RGS6: variants seen among roughly 807,000 people sequenced by gnomAD.
The protein encoded by RGS6 is regulator of G-protein signaling 6.
In RGS6, 30 loss-of-function variants were observed where a neutral mutation model predicts 78.5. The ratio of observed to expected loss-of-function variants is 0.38; its 90% CI spans 0.29 to 0.52. The LOEUF is 0.52. RGS6 is among the 20% of genes least tolerant of loss of function. RGS6 has a pLI of 0.85. For synonymous variants in RGS6, 206 were observed against 206.0 expected (o/e 1.00, Z 0.00); for missense variants, 495 against 609.7 (o/e 0.81, Z 1.98).
At chr14:72,009,319 G>A (rs1036516127) in intron 2 of RGS6, among the ~76,000 whole-genome samples, 19 of 152,074 alleles carry the variant, frequency 1.2e-4, no homozygotes, top group African/African-American at 4.1e-4. Context: ...CTGAACTCCC[G>A]CCTAGGTGAC....
intron 3 of RGS6, among the ~76,000 whole-genome samples, chr14:72,426,865 C>A (rs760875107): frequency 6.6e-6 from 1 of 152,186 alleles, no homozygotes; most frequent in African/African-American, 2.4e-5. Flanking sequence ...CCTCTCCATC[C>A]CAAAAGGTGG....
chr14:72,252,079 A>G (rs1033017495), intron 2 of RGS6, among the ~76,000 whole-genome samples: 1 of 152,210 alleles, frequency 6.6e-6, no homozygotes, highest in South Asian at 2.1e-4. Context: ...TTTGTACCAT[A>G]GATAAGATGG....
chr14:72,158,981 T>C (rs1249830955), intron 2 of RGS6, among the ~76,000 whole-genome samples: 1 of 152,212 alleles, frequency 6.6e-6, no homozygotes, highest in Non-Finnish European at 1.5e-5. Context: ...AACAATAGCA[T>C]TTACCTCATG....
rs753065555 is a variant in RGS6 at position 72,540,021 on chromosome 14, C to CTT, written c.1369-9_1369-8dup. 2.5e-4 allele frequency: 294 copies of CTT among 1,181,958 alleles called. No individual in the cohort carries two copies. Among genetic ancestry groups the CTT allele is most frequent in the South Asian group, 5.8e-4 (37 of 63,328 alleles). The allele number at this position is 1,181,958 out of a possible 1,614,324, so 73.2% of individuals were successfully genotyped here. ...TTTTTTCTGTATTTTTCTCCCTACC[C>CTT]TTTTTTTTTTTTCCTAAAGCCAGAA... On this transcript the variant is annotated intron_variant, in intron 16 of 17. Coordinates refer to ENST00000553525, the MANE Select transcript of RGS6 (RefSeq NM_001204424.2).
At chr14:72,351,653 T>C (rs979929524) in intron 2 of RGS6, among the ~76,000 whole-genome samples, 15 of 152,212 alleles carry the variant, frequency 9.9e-5, no homozygotes, top group African/African-American at 3.6e-4. Flanking sequence ...AATAGCAGCA[T>C]GTTAATCTAT....
At chr14:72,377,731 A>C (rs2085121176) in intron 3 of RGS6, among the ~76,000 whole-genome samples, 1 of 152,182 alleles carries the variant, frequency 6.6e-6, no homozygotes, top group Non-Finnish European at 1.5e-5. Context: ...TAATCCCAGC[A>C]CTTTGGGAAG....
intron 2 of RGS6, among the ~76,000 whole-genome samples, chr14:72,348,468 C>T (rs1002517600): frequency 6.6e-6 from 1 of 152,142 alleles, no homozygotes; most frequent in Non-Finnish European, 1.5e-5. Context: ...TGATCAGTTC[C>T]TGAGAGCCCA....
At chr14:72,273,898 G>A (rs560929388) in intron 2 of RGS6, among the ~76,000 whole-genome samples, 23 of 152,296 alleles carry the variant, frequency 1.5e-4, no homozygotes, top group Non-Finnish European at 2.5e-4. Context: ...AATTTCCTCC[G>A]GAATGTGCAT....
intron 3 of RGS6, among the ~76,000 whole-genome samples, chr14:72,355,866 A>G (rs941618728): frequency 3.9e-5 from 6 of 152,172 alleles, no homozygotes; most frequent in African/African-American, 1.2e-4. Flanking sequence ...GCCCAAGGCA[A>G]GAGAGTTCCT....
At chr14:71,931,810 C>T (rs2087885513), upstream of RGS6, among the ~76,000 whole-genome samples, 1 of 152,172 alleles carries the variant, frequency 6.6e-6, no homozygotes, top group Non-Finnish European at 1.5e-5. Context: ...TTTTCTGCTT[C>T]CCCCAAGAAT....
At chr14:72,545,974 G>A (rs539279679) in intron 17 of RGS6, among the ~76,000 whole-genome samples, 7 of 152,236 alleles carry the variant, frequency 4.6e-5, no homozygotes, top group South Asian at 4.1e-4. Flanking sequence ...CGGTGTTGCC[G>A]CATCACTGCA....
At chr14:72,449,979 T>C (rs1389157440) in intron 3 of RGS6, among the ~76,000 whole-genome samples, 1 of 152,244 alleles carries the variant, frequency 6.6e-6, no homozygotes, top group Admixed American at 6.5e-5. Flanking sequence ...TTCTTCTCTC[T>C]GTGCTTTTTA....
chr14:72,475,953 C>T (rs1449140670), intron 10 of RGS6, among the ~76,000 whole-genome samples: 1 of 152,046 alleles, frequency 6.6e-6, no homozygotes, highest in Non-Finnish European at 1.5e-5. Flanking sequence ...AAATGTTAGT[C>T]CTAAAATGTC....
chr14:72,360,718 T>G (rs1479311181), intron 3 of RGS6, among the ~76,000 whole-genome samples: 2 of 152,116 alleles, frequency 1.3e-5, no homozygotes, highest in African/African-American at 4.8e-5. Flanking sequence ...AGTTATAAAT[T>G]AGTCAACTAG....
At chr14:72,480,554 C>T (rs1469383252) in intron 12 of RGS6, among the ~76,000 whole-genome samples, 3 of 152,138 alleles carry the variant, frequency 2.0e-5, no homozygotes, top group Non-Finnish European at 2.9e-5. Context: ...GGCAACTTTT[C>T]AATGCGACAC....
At chr14:72,496,459 T>C (rs945591527) in intron 13 of RGS6, among the ~76,000 whole-genome samples, 25 of 152,212 alleles carry the variant, frequency 1.6e-4, no homozygotes. Flanking sequence ...AAGCAAGAAC[T>C]GCACAAAAAT....
the RGS6 span, among the ~76,000 whole-genome samples, chr14:72,607,637 A>G: frequency 6.6e-6 from 1 of 152,206 alleles, no homozygotes; most frequent in African/African-American, 2.4e-5. Context: ...GTGCAGATGA[A>G]AGGCCTGAAT....
chr14:72,248,900 A>G (rs777110657), intron 2 of RGS6, among the ~76,000 whole-genome samples: 9 of 152,140 alleles, frequency 5.9e-5, no homozygotes, highest in Non-Finnish European at 1.3e-4. Flanking sequence ...TCTTTTTCCA[A>G]CTTTATTGAC....
intron 13 of RGS6, among the ~76,000 whole-genome samples, chr14:72,500,336 A>G (rs1023122545): frequency 1.3e-5 from 2 of 152,170 alleles, no homozygotes; most frequent in African/African-American, 2.4e-5. Context: ...TCTTCTCCCA[A>G]CAGACTACTC....
Sources: gnomAD v4.1 joint callset for allele counts (sites outside exome capture counted in the v4.1 genomes callset) on GRCh38, gnomAD v4.1.1 for gene constraint, MANE v1.5 for transcripts, NCBI Gene and HGNC (gene_info 2026-07-23, HGNC 2026-07-21) for gene names.